PARP6: variants seen among roughly 807,000 people sequenced by gnomAD.
PARP6 encodes protein mono-ADP-ribosyltransferase PARP6.
In PARP6, 27 loss-of-function variants were observed where a neutral mutation model predicts 92.0. The observed-to-expected ratio is 0.29, with a 90% CI of 0.22 to 0.40. The LOEUF is 0.40. PARP6 is among the 10% of genes least tolerant of loss of function. The probability of loss-of-function intolerance (pLI) is 1.00; values close to 1 mark genes in which losing one functional copy is unlikely to be tolerated. For synonymous variants in PARP6, 272 were observed against 281.2 expected (o/e 0.97, Z 0.33); for missense variants, 501 against 784.5 (o/e 0.64, Z 4.32).
At chr15:72,248,322 C>T (rs1208997650) in intron 20 of PARP6, among the ~76,000 whole-genome samples, 1 of 150,908 alleles carries the variant, frequency 6.6e-6, no homozygotes, top group African/African-American at 2.4e-5. Context: ...TGTTTTTAGG[C>T]CTCTGATTCT....
At chr15:72,250,484 A>G (rs1354608519) in intron 18 of PARP6, 3 of 321,092 alleles carry the variant, frequency 9.3e-6, no homozygotes, top group Non-Finnish European at 1.8e-5. Context: ...GGGTACTACC[A>G]CTCCCTATAA....
At chr15:72,246,349 C>A (rs1224573969) in intron 20 of PARP6, among the ~76,000 whole-genome samples, 1 of 152,162 alleles carries the variant, frequency 6.6e-6, no homozygotes, top group Admixed American at 6.5e-5. Context: ...AGGGTTTCAC[C>A]ATGTTGGTCA....
At chr15:72,265,251 T>A in intron 6 of PARP6, 80 bp from the exon 7 acceptor site, 1 of 1,068,532 alleles carries the variant, frequency 9.4e-7, no homozygotes, top group African/African-American at 1.5e-5. Flanking sequence ...GACACACACA[T>A]GCACATGACA....
Position 72,267,668 on chromosome 15 carries a change from T to C in PARP6, c.-191A>G, listed in dbSNP as rs1335452142. 2 of 612,834 alleles carry C rather than the reference T, an allele frequency of 3.3e-6. No individual in the cohort carries two copies. The highest frequency in any genetic ancestry group is 1.8e-5 in the African/African-American group (1 of 54,478). The allele number at this position is 612,834 out of a possible 1,614,324, so 38.0% of individuals were successfully genotyped here. On this transcript the variant is annotated 5_prime_UTR_variant, in exon 3 of 24. Transcript: ENST00000569795. ...TGCTGTTGCGGTGGTAACAAGTCAC[T>C]GTCCTGTGGAAAGTAGATAATAATG...
rs370372471 is a variant in PARP6 at position 72,260,488 on chromosome 15, G to A, written c.746C>T (p.Thr249Ile). Residue 249 changes from threonine (T) to isoleucine (I), a missense_variant, in exon 10 of 24, where the codon ACC becomes ATC. Thr to Ile is a moderately conservative substitution (Grantham distance 89). Transcript: ENST00000569795. Reference protein sequence around the residue: ...QHVGLPPPARTSPLVSGHCKN... With the variant: ...QHVGLPPPARISPLVSGHCKN... ...CCCCAGCCCATGTACCAAAGGAGAG[G>A]TCCGTGCTGGGGGAGGGAGGCCCAC... 2 of 1,613,550 alleles carry A rather than the reference G, an allele frequency of 1.2e-6. No homozygotes were observed. Among genetic ancestry groups the A allele is most frequent in the African/African-American group, 2.7e-5 (2 of 74,926 alleles).
chr15:72,242,349 C>T lies in PARP6; in HGVS notation c.1642-129G>A, dbSNP rs936498309. 3.3e-5 allele frequency: 24 copies of T among 721,560 alleles called. No individual in the cohort carries two copies. The highest frequency in any genetic ancestry group is 5.2e-5 in the Non-Finnish European group (22 of 421,398). The allele number at this position is 721,560 out of a possible 1,614,324, so 44.7% of individuals were successfully genotyped here. On this transcript the variant is annotated intron_variant, in intron 21 of 23. Transcript: ENST00000569795. The surrounding 1 kb of genome is among the most constrained non-coding windows in gnomAD (Gnocchi z 4.3). ...CTGGGCTCCCAGCAACACCCCTCGC[C>T]GCCCAGAAAATTCTTCTTTCCCATA...
At chr15:72,252,000 G>A (rs1483673580) in intron 16 of PARP6, among the ~76,000 whole-genome samples, 1 of 152,208 alleles carries the variant, frequency 6.6e-6, no homozygotes, top group Admixed American at 6.5e-5. Context: ...AGGCTAAGAG[G>A]GAGAAAGCTG....
intron 2 of PARP6, among the ~76,000 whole-genome samples, chr15:72,268,647 T>A (rs4398067): frequency 6.6e-6 from 1 of 152,344 alleles, no homozygotes; most frequent in Admixed American, 6.5e-5. Context: ...GCAGTGAGCC[T>A]AGATCACGCC....
rs376701085 is a variant in PARP6 at position 72,260,696 on chromosome 15, G to C, written c.546-8C>G. ...ATAGGGAAACTGGGAGACCTGCAGA[G>C]AGAGAGCAAAGAGAAGTGATAAAAC... On this transcript the variant is annotated splice_region_variant and splice_polypyrimidine_tract_variant and intron_variant, in intron 9 of 23. Coordinates refer to ENST00000569795, the MANE Select transcript of PARP6 (RefSeq NM_001323532.2). 35 of 1,601,496 alleles carry C rather than the reference G, an allele frequency of 2.2e-5. No homozygotes were observed. The highest frequency in any genetic ancestry group is 3.0e-5 in the Non-Finnish European group (35 of 1,168,556).
chr15:72,256,356 A>C (rs753706838), intron 14 of PARP6, 109 bp downstream of exon 14: 34 of 866,170 alleles, frequency 3.9e-5, no homozygotes, highest in Non-Finnish European at 4.6e-5. Flanking sequence ...AGAGTTTAAG[A>C]ATTCTGTCCC....
chr15:72,263,579 G>A (rs190543856), intron 8 of PARP6, among the ~76,000 whole-genome samples: 1 of 152,090 alleles, frequency 6.6e-6, no homozygotes, highest in Admixed American at 6.5e-5. Context: ...TCTGGCTTTG[G>A]CTCCTACACC....
chr15:72,267,156 T>C (rs1245788444), intron 3 of PARP6: 3 of 526,376 alleles, frequency 5.7e-6, no homozygotes, highest in Middle Eastern at 5.0e-4. Flanking sequence ...CTCCTAAGCA[T>C]ATCTGGGTTC....
intron 2 of PARP6, 141 bp from the exon 3 acceptor site, chr15:72,267,812 C>A (rs1041549054): frequency 4.4e-6 from 1 of 228,124 alleles, no homozygotes; most frequent in African/African-American, 2.3e-5. Flanking sequence ...AGTGCAATGG[C>A]GCGATCTTGG....
chr15:72,260,009 A>G lies in PARP6; in HGVS notation c.757-348T>C, dbSNP rs764421622. On this transcript the variant is annotated intron_variant, in intron 10 of 23. Transcript: ENST00000569795. ...GAGAAGCTCGCTAGACAATTTAGACATAAGTTTTCTACTGTTAAAAAATGT... is the reference window on the plus strand; with the variant it reads ...GAGAAGCTCGCTAGACAATTTAGACGTAAGTTTTCTACTGTTAAAAAATGT... 3.9e-5 allele frequency among the ~76,000 whole-genome samples: 6 copies of G among 152,176 alleles called. 1 individual carries two copies. The highest frequency in any genetic ancestry group is 4.1e-4 in the South Asian group (2 of 4,828).
rs1390581802 is a variant in PARP6 at position 72,241,431 on chromosome 15, G to A, written c.*24C>T. On this transcript the variant is annotated 3_prime_UTR_variant, in exon 24 of 24. Coordinates refer to ENST00000569795, the MANE Select transcript of PARP6 (RefSeq NM_001323532.2). The surrounding 1 kb of genome is among the most constrained non-coding windows in gnomAD (Gnocchi z 4.1). ...GGCAGATGGATCCTGGGGTAACAGG[G>A]GTGGTACGAGGGCTGGGGCCCCCTC... The A allele has an allele frequency of 6.7e-7, 1 of 1,499,862 alleles. No homozygotes were observed. Among genetic ancestry groups the A allele is most frequent in the Non-Finnish European group, 9.3e-7 (1 of 1,075,826 alleles). The allele number at this position is 1,499,862 out of a possible 1,614,324, so 92.9% of individuals were successfully genotyped here. A position where few individuals can be genotyped will look rare whatever the true frequency, so the allele number is the denominator to read the frequency against.
chr15:72,264,778 A>G (rs1196936246), intron 7 of PARP6, among the ~76,000 whole-genome samples, 157 bp from the exon 8 acceptor site: 1 of 152,226 alleles, frequency 6.6e-6, no homozygotes, highest in Admixed American at 6.5e-5. Context: ...GGGAGAGGGC[A>G]GATTCTCGAA....
intron 8 of PARP6, among the ~76,000 whole-genome samples, chr15:72,263,814 G>A (rs2086202985): frequency 6.6e-6 from 1 of 152,084 alleles, no homozygotes; most frequent in Admixed American, 6.6e-5. Context: ...TTGAGGCCAG[G>A]AGTTTGGGAC....
Position 72,242,183 on chromosome 15 carries a change from T to C in PARP6, c.1679A>G (p.Asn560Ser). The C allele has an allele frequency of 6.2e-7, 1 of 1,614,116 alleles. No individual in the cohort carries two copies. The highest frequency in any genetic ancestry group is 8.5e-7 in the Non-Finnish European group (1 of 1,179,994). Residue 560 changes from asparagine to serine, a missense_variant, in exon 22 of 24, where the codon AAT becomes AGT. Coordinates refer to ENST00000569795, the MANE Select transcript of PARP6 (RefSeq NM_001323532.2). The surrounding 1 kb of genome is among the most constrained non-coding windows in gnomAD (Gnocchi z 4.3). ...TTCACAAAGTGCTATACAGTTTAGA[T>C]TCCGACTCTGCAGGAACCGTGACTG... ...SIQSRFLQSR[N>S]LNCIALCEVI...
At chr15:72,250,749 T>TGGAC in intron 18 of PARP6, 96 bp downstream of exon 18, 1 of 699,544 alleles carries the variant, frequency 1.4e-6, no homozygotes, top group Non-Finnish European at 2.5e-6. Context: ...GACTGGTTGA[T>TGGAC]GGACACATGT....
Sources: allele counts gnomAD v4.1 joint callset (sites outside exome capture counted in the v4.1 genomes callset), GRCh38; gene constraint gnomAD v4.1.1; non-coding constraint Gnocchi (gnomAD v3.1); transcripts MANE v1.5; gene names NCBI Gene and HGNC (gene_info 2026-07-23, HGNC 2026-07-21).